Variants in MAP3K13 observed in about 807,000 individuals in gnomAD.
MAP3K13 encodes the protein leucine zipper-bearing kinase.
Under a neutral mutation model 104.0 loss-of-function variants are expected in MAP3K13, and 52 were observed. The ratio of observed to expected loss-of-function variants is 0.50; its 90% CI spans 0.40 to 0.63. MAP3K13 has a LOEUF of 0.63. Ranked by LOEUF, MAP3K13 falls within the 20% of genes least tolerant of loss-of-function variation. The pLI is 0.00. For synonymous variants in MAP3K13, 394 were observed against 442.2 expected, an observed-to-expected ratio of 0.89 and a Z score of 1.37; for missense variants, 914 against 1,218.5, an observed-to-expected ratio of 0.75 and a Z score of 3.72.
intron 13 of MAP3K13, among the ~76,000 whole-genome samples, chr3:185,481,713 C>G (rs918576136): frequency 2.0e-5 from 3 of 152,190 alleles, no homozygotes; most frequent in Non-Finnish European, 2.9e-5. Context: ...CACTTAACCT[C>G]TCTGTAAAAT....
chr3:185,384,831 A>G (rs1436677458), intron 1 of MAP3K13, among the ~76,000 whole-genome samples: 1 of 152,128 alleles, frequency 6.6e-6, no homozygotes, highest in African/African-American at 2.4e-5. Context: ...AGTTGTTTGT[A>G]TATTCTGCAT....
At chr3:185,347,536 C>T (rs1459309644) in intron 2 of MAP3K13, among the ~76,000 whole-genome samples, 1 of 152,130 alleles carries the variant, frequency 6.6e-6, no homozygotes, top group Non-Finnish European at 1.5e-5. Flanking sequence ...ATAAATTATT[C>T]TTTAATACTA....
At chr3:185,451,085 G>T (rs888582880) in intron 6 of MAP3K13, among the ~76,000 whole-genome samples, 1 of 151,980 alleles carries the variant, frequency 6.6e-6, no homozygotes, top group African/African-American at 2.4e-5. Context: ...GCGAGACTCC[G>T]TCTCAAAAAA....
At chr3:185,472,493 T>G (rs779464244) in intron 10 of MAP3K13, among the ~76,000 whole-genome samples, 22 of 151,996 alleles carry the variant, frequency 1.4e-4, no homozygotes, top group Non-Finnish European at 3.2e-4. Flanking sequence ...TTACAGGCAT[T>G]AGCCACCGCA....
chr3:185,361,432 G>A (rs1181355202), upstream of MAP3K13, among the ~76,000 whole-genome samples: 2 of 143,872 alleles, frequency 1.4e-5, no homozygotes, highest in Non-Finnish European at 1.5e-5. Flanking sequence ...ACGGAGTCTT[G>A]CTCTGTCACC....
chr3:185,482,827 TAAAA>T lies in MAP3K13; in HGVS notation c.*372_*375del, dbSNP rs1462476952. 4.3e-6 allele frequency: 1 copy of T among 231,894 alleles called. No individual in the cohort carries two copies. The highest frequency in any genetic ancestry group is 8.4e-6 in the Non-Finnish European group (1 of 119,194). 14.4% of individuals were successfully genotyped at this position (231,894 alleles called of 1,614,324 possible). On this transcript the variant is annotated 3_prime_UTR_variant, in exon 14 of 14. Coordinates refer to ENST00000265026, the MANE Select transcript of MAP3K13 (RefSeq NM_004721.5). This position sits in a 1 kb window ranked among gnomAD's most constrained non-coding sequence, Gnocchi z 4.5. ...AATTTCTTGCAAAAAAAAAAAGAGA[TAAAA>T]GAAAGAACAGAAAAAAAGAAATAAG...
intron 2 of MAP3K13, among the ~76,000 whole-genome samples, chr3:185,329,893 CTT>C (rs71162293): frequency 9.6e-6 from 1 of 104,662 alleles, no homozygotes; most frequent in Non-Finnish European, 1.8e-5. Flanking sequence ...AGCCAGTAGC[CTT>C]TTTTTTTTTT....
intron 1 of MAP3K13, among the ~76,000 whole-genome samples, chr3:185,378,431 C>G (rs902993984): frequency 2.0e-5 from 3 of 152,116 alleles, no homozygotes; most frequent in Non-Finnish European, 4.4e-5. Flanking sequence ...CTTGACTATG[C>G]CTTTAGCTCC....
rs1282910678 is a variant in MAP3K13, at chr3:185,473,127, A to G, written c.1796A>G (p.His599Arg). 3.7e-6 allele frequency: 6 copies of G among 1,614,086 alleles called. No individual in the cohort carries two copies. Among genetic ancestry groups the G allele is most frequent in the Non-Finnish European group, 3.4e-6 (4 of 1,180,046 alleles). Reference protein sequence around the residue: ...RHRRGNSRGSHSDFAAILKNQ... With the variant: ...RHRRGNSRGSRSDFAAILKNQ... ...CGCCGAGGGAATAGCAGAGGCAGCCATAGTGACTTTGCCGCAATCTTGAAA... is the reference window on the plus strand; with the variant it reads ...CGCCGAGGGAATAGCAGAGGCAGCCGTAGTGACTTTGCCGCAATCTTGAAA... The change falls in exon 11 of 14, where the codon CAT becomes CGT. Residue 599 changes from histidine to arginine, a missense_variant. His to Arg is a conservative substitution (Grantham distance 29). Around this residue, in one of 3 missense-constraint regions of MAP3K13, gnomAD observed 583 missense variants for 737.4 expected, o/e 0.79. Coordinates refer to ENST00000265026, the MANE Select transcript of MAP3K13 (RefSeq NM_004721.5). The surrounding 1 kb of genome is among the most constrained non-coding windows in gnomAD (Gnocchi z 4.9).
At position 185,453,864 on chromosome 3, in the gene MAP3K13, T is replaced by TACATATATATGAGATATATATGTG. The variant is rs1560115683; in HGVS notation, c.1278+2470_1278+2471insCATATATATGAGATATATATGTGA. Among the ~76,000 whole-genome samples the TACATATATATGAGATATATATGTG allele has an allele frequency of 1.6e-3, 58 of 36,236 alleles. 25 individuals carry two copies. The highest frequency in any genetic ancestry group is 3.0e-3 in the Non-Finnish European group (35 of 11,648). The allele number at this position is 36,236 out of a possible 152,430, so 23.8% of individuals were successfully genotyped here. ...GATACATATATATGAGATATATATA[T>TACATATATATGAGATATATATGTG]ATGATACATATATATGAGATATATA... On this transcript the variant is annotated intron_variant, in intron 7 of 13. Coordinates refer to ENST00000265026, the MANE Select transcript of MAP3K13 (RefSeq NM_004721.5).
intron 2 of MAP3K13, among the ~76,000 whole-genome samples, chr3:185,304,176 A>C (rs1360095620): frequency 6.6e-6 from 1 of 152,182 alleles, no homozygotes; most frequent in Non-Finnish European, 1.5e-5. Context: ...TGATTGGAAA[A>C]GATGCTTGGT....
intron 2 of MAP3K13, among the ~76,000 whole-genome samples, chr3:185,351,477 G>A (rs542218973): frequency 5.3e-5 from 8 of 152,250 alleles, no homozygotes; most frequent in African/African-American, 1.7e-4. Flanking sequence ...CAGTGTTAGT[G>A]GTCACTGTTA....
intron 2 of MAP3K13, among the ~76,000 whole-genome samples, chr3:185,295,411 G>A (rs180679413): frequency 1.3e-5 from 2 of 152,268 alleles, no homozygotes; most frequent in African/African-American, 4.8e-5. Flanking sequence ...CACCATGTGG[G>A]CCAGGCTGGT....
chr3:185,455,967 G>T (rs920744959), intron 7 of MAP3K13, among the ~76,000 whole-genome samples: 2 of 142,678 alleles, frequency 1.4e-5, no homozygotes, highest in Non-Finnish European at 3.0e-5. Context: ...TATATGATAT[G>T]TATGAGATAT....
intron 2 of MAP3K13, among the ~76,000 whole-genome samples, chr3:185,322,199 G>A (rs1048435835): frequency 3.3e-5 from 5 of 152,314 alleles, no homozygotes; most frequent in South Asian, 2.1e-4. Context: ...TGAGGAGCAC[G>A]TTAAGTGGAA....
intron 2 of MAP3K13, among the ~76,000 whole-genome samples, chr3:185,321,325 G>T (rs1295637566): frequency 1.3e-5 from 2 of 152,170 alleles, no homozygotes; most frequent in Non-Finnish European, 2.9e-5. Context: ...AGTATTGATT[G>T]AGGCTCAATG....
intron 1 of MAP3K13, among the ~76,000 whole-genome samples, chr3:185,406,376 G>T (rs890301645): frequency 3.9e-5 from 6 of 152,192 alleles, no homozygotes; most frequent in Non-Finnish European, 7.3e-5. Context: ...GCATTTTTAT[G>T]CTAACACTTT....
At chr3:185,481,753 G>A (rs768251597) in intron 13 of MAP3K13, among the ~76,000 whole-genome samples, 7 of 152,154 alleles carry the variant, frequency 4.6e-5, no homozygotes, top group Non-Finnish European at 1.0e-4. Context: ...GTCTCATAGT[G>A]TTATCATGAG....
intron 2 of MAP3K13, among the ~76,000 whole-genome samples, chr3:185,342,277 G>T (rs1722748869): frequency 6.6e-6 from 1 of 152,136 alleles, no homozygotes; most frequent in South Asian, 2.1e-4. Flanking sequence ...GCTTTGAGTT[G>T]TTACGTTTTG....
Sources: gnomAD v4.1 joint callset for allele counts (sites outside exome capture counted in the v4.1 genomes callset) on GRCh38, gnomAD v4.1.1 for gene constraint, gnomAD v4.1.1 regional missense constraint, Gnocchi (gnomAD v3.1) non-coding constraint, MANE v1.5 for transcripts, NCBI Gene and HGNC (gene_info 2026-07-23, HGNC 2026-07-21) for gene names.